The following CDH4 variants were observed in gnomAD, a reference collection of about 807,000 sequenced individuals.
CDH4 encodes cadherin-4.
In CDH4, 33 loss-of-function variants were observed where a neutral mutation model predicts 86.0. The observed-to-expected ratio is 0.38, with a 90% CI of 0.29 to 0.51. The LOEUF is 0.51. Ranked by LOEUF, CDH4 falls within the 20% of genes least tolerant of loss-of-function variation. The pLI is 0.86. For missense variants in CDH4, 1,114 were observed against 1,307.4 expected, an observed-to-expected ratio of 0.85 and a Z score of 2.28; for synonymous variants, 555 against 549.4, an observed-to-expected ratio of 1.01 and a Z score of -0.14.
intron 2 of CDH4, among the ~76,000 whole-genome samples, chr20:61,590,601 G>A (rs912298015): frequency 6.6e-6 from 1 of 152,128 alleles, no homozygotes; most frequent in East Asian, 1.9e-4. Context: ...GGGAGGAGAG[G>A]GGGCTGGACA....
chr20:61,423,748 G>A (rs2085193375), intron 2 of CDH4, among the ~76,000 whole-genome samples: 1 of 152,010 alleles, frequency 6.6e-6, no homozygotes, highest in Admixed American at 6.5e-5. Context: ...CACTTCCTCA[G>A]GTCCTAATGA....
At chr20:61,355,046 A>ACACTCAG (rs71226798) in intron 2 of CDH4, among the ~76,000 whole-genome samples, 38,155 of 152,016 alleles carry the variant, frequency 0.25, 5,017 homozygotes, top group South Asian at 0.36. Flanking sequence ...TTTTGGCTTC[A>ACACTCAG]CACTCAGCAC....
chr20:61,415,054 C>G (rs76766784), intron 2 of CDH4, among the ~76,000 whole-genome samples: 7,416 of 152,316 alleles, frequency 0.049, 255 homozygotes, highest in South Asian at 0.088. Flanking sequence ...ATTTCAGAAC[C>G]CTTGGCCCAC....
intron 2 of CDH4, among the ~76,000 whole-genome samples, chr20:61,707,956 G>C (rs1487969306): frequency 6.6e-6 from 1 of 152,176 alleles, no homozygotes; most frequent in African/African-American, 2.4e-5. Flanking sequence ...GAGGGTCATG[G>C]TGTGAAATCT....
Position 61,338,532 on chromosome 20 carries a change from TCCTGCCTAGATATTTGCTC to T in CDH4, c.169+83599_169+83617del, listed in dbSNP as rs374770283. ...TTGGGGACTTGTCTCTTGCTGCTTC[TCCTGCCTAGATATTTGCTC>T]CCTCCCCAATCTGCCTGGTCCTCTG... is the stretch of plus-strand genomic sequence containing the variant. On this transcript the variant is annotated intron_variant, in intron 2 of 15. Coordinates refer to ENST00000614565, the MANE Select transcript of CDH4 (RefSeq NM_001794.5). Among the ~76,000 whole-genome samples the T allele has an allele frequency of 4.0e-3, 612 of 152,290 alleles. 1 individual carries two copies. The highest frequency in any genetic ancestry group is 0.01 in the Middle Eastern group (3 of 294).
intron 2 of CDH4, among the ~76,000 whole-genome samples, chr20:61,528,469 G>A (rs1468242938): frequency 1.0e-5 from 1 of 98,440 alleles, no homozygotes; most frequent in Non-Finnish European, 2.1e-5. Context: ...GAGAGGGAGG[G>A]GGAGGGGGAG....
chr20:61,885,482 TG>T (rs1375179582), intron 7 of CDH4, among the ~76,000 whole-genome samples: 1 of 152,270 alleles, frequency 6.6e-6, no homozygotes, highest in African/African-American at 2.4e-5. Flanking sequence ...TCTTAATGGC[TG>T]AATAATATTC....
At chr20:61,397,903 A>G (rs970225400) in intron 2 of CDH4, among the ~76,000 whole-genome samples, 3 of 151,166 alleles carry the variant, frequency 2.0e-5, no homozygotes, top group African/African-American at 2.4e-5. Context: ...CGCAGCTGCT[A>G]TTTTTTTTTA....
At chr20:61,893,291 G>GAGATGGTGGATGGAGGGGTGGGT (rs1568871154) in intron 7 of CDH4, among the ~76,000 whole-genome samples, 6 of 129,210 alleles carry the variant, frequency 4.6e-5, no homozygotes, top group African/African-American at 8.8e-5. Context: ...GGTAAATAGA[G>GAGATGGTGGATGGAGGGGTGGGT]GGATAGATGG....
chr20:61,647,550 T>TCCCTCC (rs2087076354), intron 2 of CDH4, among the ~76,000 whole-genome samples: 2 of 107,834 alleles, frequency 1.9e-5, no homozygotes, highest in African/African-American at 3.4e-5. Flanking sequence ...CCTCTCCCTC[T>TCCCTCC]CCCTCTCCCT....
At chr20:61,351,839 C>T (rs533531100) in intron 2 of CDH4, among the ~76,000 whole-genome samples, 18 of 152,150 alleles carry the variant, frequency 1.2e-4, no homozygotes, top group South Asian at 2.1e-4. Flanking sequence ...GCCTAAGCCT[C>T]GCGAGTAGCT....
At chr20:61,642,876 C>G (rs764643700) in intron 2 of CDH4, among the ~76,000 whole-genome samples, 1 of 152,260 alleles carries the variant, frequency 6.6e-6, no homozygotes, top group South Asian at 2.1e-4. Flanking sequence ...CTTCCATCCT[C>G]GCATCTCCTA....
intron 2 of CDH4, among the ~76,000 whole-genome samples, chr20:61,680,510 A>G (rs2087499895): frequency 1.3e-5 from 2 of 152,200 alleles, no homozygotes; most frequent in Admixed American, 6.5e-5. Flanking sequence ...CAAGGGGACA[A>G]TGCATGATGG....
intron 2 of CDH4, among the ~76,000 whole-genome samples, chr20:61,317,013 CTT>C (rs71185915): frequency 9.1e-5 from 13 of 143,532 alleles, no homozygotes; most frequent in African/African-American, 1.8e-4. Flanking sequence ...CCTGCTATTT[CTT>C]TTTTTTTTTT....
chr20:61,774,323 G>A (rs979914101), intron 4 of CDH4, among the ~76,000 whole-genome samples: 14 of 152,204 alleles, frequency 9.2e-5, no homozygotes, highest in African/African-American at 3.4e-4. Flanking sequence ...CATCCTGGGC[G>A]AGCTTCCCAG....
chr20:61,657,506 C>T (rs750879238), intron 2 of CDH4, among the ~76,000 whole-genome samples: 3 of 152,210 alleles, frequency 2.0e-5, no homozygotes, highest in Non-Finnish European at 4.4e-5. Context: ...TACCAAAAAA[C>T]ATTCTAAAGG....
chr20:61,519,926 ACT>A (rs2085856729), intron 2 of CDH4, among the ~76,000 whole-genome samples: 1 of 151,576 alleles, frequency 6.6e-6, no homozygotes, highest in Non-Finnish European at 1.5e-5. Context: ...GTGCCCGCCG[ACT>A]CTGCCCACCA....
intron 2 of CDH4, among the ~76,000 whole-genome samples, chr20:61,422,469 C>CAAAAAAAAAAAAAAAAAA (rs2085185449): frequency 4.7e-5 from 2 of 42,482 alleles, no homozygotes; most frequent in Admixed American, 3.0e-4. Context: ...AAAAAAAAAC[C>CAAAAAAAAAAAAAAAAAA]AAATCTCCCC....
Position 61,327,914 on chromosome 20 carries a change from A to C in CDH4, c.169+72977A>C, listed in dbSNP as rs78745671. On this transcript the variant is annotated intron_variant, in intron 2 of 15. Coordinates refer to ENST00000614565, the MANE Select transcript of CDH4 (RefSeq NM_001794.5). ...GTAAAGGATCAGGTGTAGTTTTATG[A>C]ATGGCCATGGAAATTTGGTCAATAA... Among the ~76,000 whole-genome samples, 389 of 152,304 alleles carry C rather than the reference A, an allele frequency of 2.6e-3. 3 individuals carry two copies. Among genetic ancestry groups the C allele is most frequent in the African/African-American group, 9.1e-3 (377 of 41,564 alleles).
Sources: gnomAD v4.1 joint callset for allele counts (sites outside exome capture counted in the v4.1 genomes callset) on GRCh38, gnomAD v4.1.1 for gene constraint, MANE v1.5 for transcripts, NCBI Gene and HGNC (gene_info 2026-07-23, HGNC 2026-07-21) for gene names.